SCAMP1: variants seen among roughly 807,000 people sequenced by gnomAD.
SCAMP1 encodes secretory carrier-associated membrane protein 1.
SCAMP1 carries 15 observed loss-of-function variants against 41.8 expected under a neutral mutation model. The observed-to-expected ratio is 0.36, with a 90% CI of 0.24 to 0.55. The LOEUF (loss-of-function observed/expected upper bound fraction) is 0.55, where lower values mean the gene tolerates loss of function less well. Among genes scored for constraint, SCAMP1 ranks in the 20% least tolerant of loss-of-function variants. The pLI is 0.86. For synonymous variants in SCAMP1, 135 were observed against 136.8 expected, an observed-to-expected ratio of 0.99 and a Z score of 0.09; for missense variants, 341 against 412.6, an observed-to-expected ratio of 0.83 and a Z score of 1.50.
chr5:78,382,627 T>A (rs1646998775), intron 1 of SCAMP1, among the ~76,000 whole-genome samples: 1 of 152,186 alleles, frequency 6.6e-6, no homozygotes, highest in African/African-American at 2.4e-5. Flanking sequence ...TGCCTTTGTG[T>A]CCTCATAACT....
intron 7 of SCAMP1, among the ~76,000 whole-genome samples, chr5:78,457,539 C>T (rs368027194): frequency 2.6e-4 from 39 of 152,264 alleles, no homozygotes; most frequent in South Asian, 1.2e-3. Context: ...GCAGTCTGCC[C>T]GTTCTCAGAT....
rs186166899 is a variant in SCAMP1 at position 78,400,680 on chromosome 5, C to G, written c.135+11766C>G. 6.6e-5 allele frequency among the ~76,000 whole-genome samples: 10 copies of G among 152,202 alleles called. No homozygotes were observed. The East Asian group carries it at 1.7e-3, about 26-fold the overall frequency. On this transcript the variant is annotated intron_variant, in intron 2 of 8. Transcript: ENST00000621999. ...TGCTGTTACATATGAAAGTGATTGA[C>G]TTTTGTATATTAACTTTGTGTTGTG...
chr5:78,390,865 T>G (rs1391001096), intron 2 of SCAMP1, among the ~76,000 whole-genome samples: 1 of 151,116 alleles, frequency 6.6e-6, no homozygotes, highest in Non-Finnish European at 1.5e-5. Context: ...TTAACGAGCA[T>G]GCTGCCTTCA....
At chr5:78,404,473 T>TTTTTTTTTTTTTTG (rs1751883665) in intron 2 of SCAMP1, among the ~76,000 whole-genome samples, 1 of 131,532 alleles carries the variant, frequency 7.6e-6, no homozygotes, top group Non-Finnish European at 1.7e-5. Flanking sequence ...TTTTTTTTTT[T>TTTTTTTTTTTTTTG]GCTAGGCTGA....
rs563973910 is a variant in SCAMP1 at position 78,360,624 on chromosome 5, C to G, written c.-48C>G. On this transcript the variant is annotated 5_prime_UTR_variant, in exon 1 of 9. Coordinates refer to ENST00000621999, the MANE Select transcript of SCAMP1 (RefSeq NM_004866.6). ...CAGGGGGGCGGCGGCCTCGCCTCGT[C>G]TCTCTCTCTGCGCCTGGGTCGGGTG... is the stretch of plus-strand genomic sequence containing the variant. 1.3e-6 allele frequency: 2 copies of G among 1,536,964 alleles called. No individual in the cohort carries two copies. The highest frequency in any genetic ancestry group is 1.8e-6 in the Non-Finnish European group (2 of 1,131,328).
intron 6 of SCAMP1, among the ~76,000 whole-genome samples, chr5:78,425,546 A>T (rs1752448139): frequency 1.3e-5 from 2 of 152,210 alleles, no homozygotes; most frequent in Admixed American, 1.3e-4. Context: ...CTTTGTATAC[A>T]GGTTATTTTA....
chr5:78,451,140 A>C (rs938489601), intron 7 of SCAMP1, among the ~76,000 whole-genome samples: 2 of 152,230 alleles, frequency 1.3e-5, no homozygotes, highest in African/African-American at 4.8e-5. Context: ...AAAATTGAGC[A>C]TAACAGCATG....
At position 78,416,653 on chromosome 5, in the gene SCAMP1, G is replaced by A; in HGVS notation, c.343+4G>A. Reference sequence around the variant, plus strand: ...ATGCAAAACCTCAGTCAACATGGTAGTATCCAAAGAAATTTGAAATAAAAA... The same window carrying A: ...ATGCAAAACCTCAGTCAACATGGTAATATCCAAAGAAATTTGAAATAAAAA... On this transcript the variant is annotated splice_donor_region_variant and intron_variant, in intron 4 of 8. Transcript: ENST00000621999. The A allele has an allele frequency of 6.4e-7, 1 of 1,563,724 alleles. No homozygotes were observed. The highest frequency in any genetic ancestry group is 8.7e-7 in the Non-Finnish European group (1 of 1,152,744).
At chr5:78,404,870 G>T (rs186623559) in intron 2 of SCAMP1, among the ~76,000 whole-genome samples, 1 of 152,262 alleles carries the variant, frequency 6.6e-6, no homozygotes, top group East Asian at 1.9e-4. Context: ...TGAGTTCCTG[G>T]AGATAAAACA....
At chr5:78,467,606 A>G (rs995847219) in intron 8 of SCAMP1, among the ~76,000 whole-genome samples, 1 of 152,300 alleles carries the variant, frequency 6.6e-6, no homozygotes, top group Non-Finnish European at 1.5e-5. Context: ...TTTACCTCAT[A>G]GTTAAAGAAG....
intron 8 of SCAMP1, among the ~76,000 whole-genome samples, chr5:78,463,141 T>C (rs1398429990): frequency 6.6e-6 from 1 of 151,658 alleles, no homozygotes; most frequent in East Asian, 1.9e-4. Context: ...TTAACTTCTC[T>C]TCTGCACCAA....
intron 8 of SCAMP1, among the ~76,000 whole-genome samples, chr5:78,469,892 AAAAAAAAAAAAAAAAAAAAAC>A (rs1344269536): frequency 3.6e-4 from 10 of 28,128 alleles, no homozygotes; most frequent in East Asian, 3.4e-3. Flanking sequence ...CAAGACATTA[AAAAAAAAAAAAAAAAAAAAAC>A]AAAAAAAAAA....
chr5:78,447,275 T>C (rs1753074582), intron 6 of SCAMP1, among the ~76,000 whole-genome samples: 1 of 152,190 alleles, frequency 6.6e-6, no homozygotes, highest in African/African-American at 2.4e-5. Context: ...ATACTGGTTG[T>C]AGAAATGTAA....
intron 8 of SCAMP1, among the ~76,000 whole-genome samples, chr5:78,475,025 G>GCTT (rs1448636482): frequency 6.6e-6 from 1 of 152,166 alleles, no homozygotes; most frequent in African/African-American, 2.4e-5. Context: ...CATAAGTAGT[G>GCTT]CTTGGTACAT....
At chr5:78,393,889 G>C (rs1751579945) in intron 2 of SCAMP1, among the ~76,000 whole-genome samples, 1 of 152,106 alleles carries the variant, frequency 6.6e-6, no homozygotes, top group Admixed American at 6.6e-5. Context: ...GGCATTTGTG[G>C]CTTTAGACAG....
intron 6 of SCAMP1, among the ~76,000 whole-genome samples, chr5:78,447,499 G>A (rs1753080292): frequency 6.6e-6 from 1 of 152,164 alleles, no homozygotes. Flanking sequence ...GGAACGTAAT[G>A]CAGAAAGGAC....
chr5:78,370,331 A>T (rs185538784), intron 1 of SCAMP1, among the ~76,000 whole-genome samples: 1 of 152,312 alleles, frequency 6.6e-6, no homozygotes, highest in African/African-American at 2.4e-5. Context: ...TGGGTGTGGG[A>T]TATAAAAGGT....
chr5:78,393,999 T>C (rs1486197843), intron 2 of SCAMP1, among the ~76,000 whole-genome samples: 5 of 152,178 alleles, frequency 3.3e-5, no homozygotes, highest in Non-Finnish European at 7.3e-5. Context: ...TCTTGGGGCC[T>C]AGTTTACTGT....
At chr5:78,369,412 A>G (rs571301042) in intron 1 of SCAMP1, among the ~76,000 whole-genome samples, 2 of 152,270 alleles carry the variant, frequency 1.3e-5, no homozygotes, top group East Asian at 3.9e-4. Flanking sequence ...CGGCCAGGAC[A>G]CATAACATTT....
Sources: gnomAD v4.1 joint callset for allele counts (sites outside exome capture counted in the v4.1 genomes callset) on GRCh38, gnomAD v4.1.1 for gene constraint, MANE v1.5 for transcripts, NCBI Gene and HGNC (gene_info 2026-07-23, HGNC 2026-07-21) for gene names.